Variants in BAZ2B observed in about 807,000 individuals in gnomAD.
BAZ2B encodes bromodomain adjacent to zinc finger domain 2B.
BAZ2B carries 91 observed loss-of-function variants against 246.0 expected under a neutral mutation model. That is an observed-to-expected ratio of 0.37 (90% CI 0.31 to 0.44). The LOEUF (loss-of-function observed/expected upper bound fraction) is 0.44, where lower values mean the gene tolerates loss of function less well. BAZ2B is among the 20% of genes least tolerant of loss of function. The pLI, the probability that BAZ2B is intolerant of heterozygous loss-of-function variation, is 1.00. For missense variants in BAZ2B, 2,332 were observed against 2,533.7 expected, an observed-to-expected ratio of 0.92 and a Z score of 1.71; for synonymous variants, 855 against 860.0, an observed-to-expected ratio of 0.99 and a Z score of 0.10.
chr2:159,495,462 G>A (rs1283576132), intron 2 of BAZ2B, among the ~76,000 whole-genome samples: 8 of 129,650 alleles, frequency 6.2e-5, no homozygotes, highest in Non-Finnish European at 1.2e-4. Context: ...TCCAGCCTGG[G>A]CGACAGAGCG....
intron 2 of BAZ2B, among the ~76,000 whole-genome samples, chr2:159,537,679 A>C (rs780311802): frequency 6.6e-6 from 1 of 152,212 alleles, no homozygotes; most frequent in South Asian, 2.1e-4. Context: ...CTTCACTGTC[A>C]TCTGATAATT....
At chr2:159,580,200 T>A (rs960875712) in intron 1 of BAZ2B, among the ~76,000 whole-genome samples, 2 of 152,204 alleles carry the variant, frequency 1.3e-5, no homozygotes, top group African/African-American at 4.8e-5. Flanking sequence ...CTCCTTAAGC[T>A]GATAAGCAAC....
chr2:159,332,839 C>CGAAA, intron 33 of BAZ2B, 153 bp from the exon 34 acceptor site: 7 of 843,582 alleles, frequency 8.3e-6, no homozygotes, highest in Non-Finnish European at 1.3e-5. Context: ...ATGTATCTTT[C>CGAAA]GTTACACAGA....
chr2:159,438,256 A>C (rs1293221115), intron 8 of BAZ2B, 47 bp downstream of exon 8: 1 of 1,509,058 alleles, frequency 6.6e-7, no homozygotes, highest in Non-Finnish European at 9.0e-7. Context: ...TAGAAGCTCT[A>C]TCTTTCTCTA....
At chr2:159,700,823 C>T in the BAZ2B span, among the ~76,000 whole-genome samples, 2 of 150,534 alleles carry the variant, frequency 1.3e-5, no homozygotes, top group African/African-American at 5.0e-5. Flanking sequence ...AGATGTGGGA[C>T]ATGCAGATGA....
intron 34 of BAZ2B, 91 bp downstream of exon 34, chr2:159,332,449 T>C: frequency 1.5e-6 from 2 of 1,290,604 alleles, no homozygotes; most frequent in Non-Finnish European, 2.1e-6. Context: ...ATCATACCAC[T>C]GCACTCCAGC....
intron 20 of BAZ2B, among the ~76,000 whole-genome samples, chr2:159,390,185 C>T (rs7586664): frequency 0.42 from 64,286 of 151,944 alleles, 13,736 homozygotes; most frequent in South Asian, 0.57. Context: ...CTACCGCACA[C>T]GTGCCACACA....
intron 2 of BAZ2B, among the ~76,000 whole-genome samples, chr2:159,539,179 G>C (rs762699583): frequency 1.3e-5 from 2 of 152,184 alleles, no homozygotes; most frequent in African/African-American, 2.4e-5. Flanking sequence ...ATCTACCACA[G>C]CTATAATGAC....
At chr2:159,334,925 C>G (rs1402916602) in intron 33 of BAZ2B, among the ~76,000 whole-genome samples, 4 of 151,782 alleles carry the variant, frequency 2.6e-5, no homozygotes, top group African/African-American at 9.7e-5. Flanking sequence ...TATTTACAGA[C>G]AAGGTCTCAT....
At chr2:159,323,833 T>G (rs2063071746) in intron 36 of BAZ2B, among the ~76,000 whole-genome samples, 1 of 149,768 alleles carries the variant, frequency 6.7e-6, no homozygotes, top group African/African-American at 2.4e-5. Flanking sequence ...ACAAAAGAAC[T>G]AGTCCATATC....
intron 2 of BAZ2B, among the ~76,000 whole-genome samples, chr2:159,506,143 G>T (rs568126230): frequency 1.3e-5 from 2 of 152,110 alleles, no homozygotes; most frequent in Non-Finnish European, 2.9e-5. Context: ...CATATGGAAA[G>T]GTGGTAGCAG....
intron 13 of BAZ2B, among the ~76,000 whole-genome samples, chr2:159,423,418 G>A (rs2069154465): frequency 1.3e-5 from 2 of 152,204 alleles, no homozygotes; most frequent in South Asian, 2.1e-4. Flanking sequence ...ACTGCTAGTA[G>A]GAATGTCAAT....
At chr2:159,369,888 A>G (rs1312553272) in intron 27 of BAZ2B, among the ~76,000 whole-genome samples, 1 of 152,188 alleles carries the variant, frequency 6.6e-6, no homozygotes, top group African/African-American at 2.4e-5. Flanking sequence ...ATACCCAGTA[A>G]TGGGATGGCT....
chr2:159,470,831 G>A (rs1273571344), intron 3 of BAZ2B, among the ~76,000 whole-genome samples: 2 of 152,124 alleles, frequency 1.3e-5, no homozygotes, highest in Non-Finnish European at 2.9e-5. Context: ...TTTGTTTTTT[G>A]GATGTGTTAA....
chr2:159,558,435 T>A (rs997575426), intron 1 of BAZ2B, among the ~76,000 whole-genome samples: 2 of 152,076 alleles, frequency 1.3e-5, no homozygotes, highest in African/African-American at 4.8e-5. Flanking sequence ...TTTTTTTGTA[T>A]TTTTAGTAGA....
chr2:159,544,015 T>G (rs1220522021), intron 2 of BAZ2B, among the ~76,000 whole-genome samples: 1 of 152,244 alleles, frequency 6.6e-6, no homozygotes. Flanking sequence ...CCTTCCTTAT[T>G]ATTTTTAGCT....
chr2:159,622,980 AAAAAAG>A, the BAZ2B span, among the ~76,000 whole-genome samples: 2 of 150,550 alleles, frequency 1.3e-5, no homozygotes, highest in South Asian at 4.2e-4. Context: ...TCAAAAAAAA[AAAAAAG>A]AAGAATGAAA....
chr2:159,401,097 T>A (rs1240653796), intron 16 of BAZ2B, among the ~76,000 whole-genome samples: 1 of 152,148 alleles, frequency 6.6e-6, no homozygotes, highest in Non-Finnish European at 1.5e-5. Context: ...AAAATTTCAT[T>A]ATTTAGCGTA....
At position 159,428,325 on chromosome 2, in the gene BAZ2B, G is replaced by T; in HGVS notation, c.2350C>A (p.Pro784Thr). Residue 784 changes from proline (P) to threonine (T), a missense_variant, in exon 12 of 37, where the codon CCT becomes ACT. By Grantham distance (38) the Pro-to-Thr change is conservative (BLOSUM62 -1). Around this residue, in one of 9 missense-constraint regions of BAZ2B, gnomAD observed 651 missense variants for 650.9 expected, o/e 1.00. Coordinates refer to ENST00000392783, the MANE Select transcript of BAZ2B (RefSeq NM_013450.4). ...APCGKKLRQYPEVIKYLSRNG... is the reference protein window; with the variant it reads ...APCGKKLRQYTEVIKYLSRNG... ...AAAGTATGTACCTTTATTACTTCAG[G>T]GTACTGCCTAAGTTTCTTTCCACAT... 1.2e-6 allele frequency: 2 copies of T among 1,612,066 alleles called. No homozygotes were observed. The highest frequency in any genetic ancestry group is 1.1e-5 in the South Asian group (1 of 90,862).
Sources: allele counts gnomAD v4.1 joint callset (sites outside exome capture counted in the v4.1 genomes callset), GRCh38; gene constraint gnomAD v4.1.1; regional missense constraint gnomAD v4.1.1; transcripts MANE v1.5; gene names NCBI Gene and HGNC (gene_info 2026-07-23, HGNC 2026-07-21).